Variants in BCAT1 observed in about 807,000 individuals in gnomAD.
The protein encoded by BCAT1 is branched-chain-amino-acid aminotransferase, cytosolic.
Under a neutral mutation model 52.4 loss-of-function variants are expected in BCAT1, and 48 were observed. That is an observed-to-expected ratio of 0.92 (90% CI 0.73 to 1.16). BCAT1 has a LOEUF of 1.16. Among genes scored for constraint, BCAT1 ranks in the 50% most tolerant of loss-of-function variants. The probability of loss-of-function intolerance (pLI) is 0.00; values close to 1 mark genes in which losing one functional copy is unlikely to be tolerated. For missense variants in BCAT1, 451 were observed against 457.1 expected, an observed-to-expected ratio of 0.99 and a Z score of 0.12; for synonymous variants, 167 against 161.3, an observed-to-expected ratio of 1.04 and a Z score of -0.27.
chr12:24,902,531 A>C (rs922083442), intron 1 of BCAT1: 2 of 524,798 alleles, frequency 3.8e-6, no homozygotes, highest in Non-Finnish European at 5.3e-6. Context: ...GGGAAGGAAG[A>C]GATCCAAGGA....
chr12:24,909,366 G>T (rs993302600), intron 1 of BCAT1, among the ~76,000 whole-genome samples: 4 of 152,078 alleles, frequency 2.6e-5, no homozygotes, highest in African/African-American at 7.2e-5. Flanking sequence ...CTTGACAAAA[G>T]AATTCTCATT....
intron 5 of BCAT1, among the ~76,000 whole-genome samples, chr12:24,865,977 G>C (rs1011855690): frequency 6.6e-6 from 1 of 152,230 alleles, no homozygotes; most frequent in African/African-American, 2.4e-5. Flanking sequence ...TTCTGACCGC[G>C]CTTGAGGAGC....
chr12:24,938,028 C>T (rs1943790709), intron 1 of BCAT1, among the ~76,000 whole-genome samples: 1 of 152,122 alleles, frequency 6.6e-6, no homozygotes, highest in Non-Finnish European at 1.5e-5. Flanking sequence ...AATGGGCCAT[C>T]CACATGCACC....
chr12:24,848,847 C>T (rs767929440), intron 6 of BCAT1, among the ~76,000 whole-genome samples: 1 of 152,150 alleles, frequency 6.6e-6, no homozygotes, highest in Non-Finnish European at 1.5e-5. Flanking sequence ...CTAAAGTTGC[C>T]AGTGGGGATG....
At chr12:24,837,726 CTAAGAG>C (rs1941041808) in intron 7 of BCAT1, among the ~76,000 whole-genome samples, 1 of 152,112 alleles carries the variant, frequency 6.6e-6, no homozygotes, top group Admixed American at 6.5e-5. Context: ...CGCACCCAGC[CTAAGAG>C]TCTATCTTTA....
chr12:24,901,276 G>A (rs1943095139), intron 2 of BCAT1, among the ~76,000 whole-genome samples: 1 of 152,184 alleles, frequency 6.6e-6, no homozygotes, highest in Admixed American at 6.5e-5. Context: ...AAACCTCCAC[G>A]AGGAGGGAGG....
intron 5 of BCAT1, among the ~76,000 whole-genome samples, chr12:24,868,329 T>C (rs969569949): frequency 2.0e-5 from 3 of 150,360 alleles, no homozygotes; most frequent in Non-Finnish European, 3.0e-5. Flanking sequence ...TCTAGGAAAA[T>C]GGAAAAAAAA....
At chr12:24,894,961 T>A (rs544213085) in intron 2 of BCAT1, among the ~76,000 whole-genome samples, 2 of 152,320 alleles carry the variant, frequency 1.3e-5, no homozygotes, top group Non-Finnish European at 2.9e-5. Flanking sequence ...GCCTTCAAAA[T>A]CCTCTGGGTG....
chr12:24,833,814 GTC>G (rs1407552842), intron 8 of BCAT1: 3 of 136,586 alleles, frequency 2.2e-5, no homozygotes, highest in Non-Finnish European at 4.8e-5. Flanking sequence ...TTCTACGTTT[GTC>G]TCTTTCTTTT....
At chr12:24,902,143 A>G in intron 1 of BCAT1, 1 of 1,445,624 alleles carries the variant, frequency 6.9e-7, no homozygotes, top group South Asian at 1.5e-5. Context: ...AGACTGGTTA[A>G]ATTCCAGGTC....
rs1042077468 is a variant in BCAT1 at position 24,811,178 on chromosome 12, T to A, written c.*6830A>T. 6 of 152,168 alleles carry A rather than the reference T, an allele frequency of 3.9e-5. No individual in the cohort carries two copies. Among genetic ancestry groups the A allele is most frequent in the African/African-American group, 1.4e-4 (6 of 41,448 alleles). The allele number at this position is 152,168 out of a possible 1,614,324, so 9.4% of individuals were successfully genotyped here. A position where few individuals can be genotyped will look rare whatever the true frequency, so the allele number is the denominator to read the frequency against. On this transcript the variant is annotated 3_prime_UTR_variant, in exon 11 of 11. Coordinates refer to ENST00000261192, the MANE Select transcript of BCAT1 (RefSeq NM_005504.7). ...ATGTTTGAAAAAGAAACATATTGAA[T>A]CTCTATCCAGTGGTGTGGTTTCTGG...
At chr12:24,946,222 C>T (rs1342378622) in intron 1 of BCAT1, among the ~76,000 whole-genome samples, 1 of 152,196 alleles carries the variant, frequency 6.6e-6, no homozygotes, top group Non-Finnish European at 1.5e-5. Context: ...AGGTTAATAA[C>T]ACCACTATCA....
chr12:24,912,614 C>T (rs921412396), intron 1 of BCAT1, among the ~76,000 whole-genome samples: 9 of 150,824 alleles, frequency 6.0e-5, no homozygotes, highest in Non-Finnish European at 1.3e-4. Flanking sequence ...TCTGTAATCA[C>T]AGCACTTTGG....
chr12:24,837,036 GAAA>G lies in BCAT1; in HGVS notation c.818-443_818-441del, dbSNP rs71448092. Reference sequence around the variant, plus strand: ...AAGAAAGAAAAAAGAAAGAAAGAAAGAAAAAAGAAAAGAAAAGAAAGAGAGAAG... The same window carrying G: ...AAGAAAGAAAAAAGAAAGAAAGAAAGAAAGAAAAGAAAAGAAAGAGAGAAG... On this transcript the variant is annotated intron_variant, in intron 7 of 10. Transcript: ENST00000261192. Among the ~76,000 whole-genome samples the G allele has an allele frequency of 1.3e-3, 112 of 86,624 alleles. 10 individuals are homozygous for G. The highest frequency in any genetic ancestry group is 0.013 in the Middle Eastern group (2 of 152). The allele number at this position is 86,624 out of a possible 152,430, so 56.8% of individuals were successfully genotyped here.
Position 24,810,335 on chromosome 12 carries a change from G to A in BCAT1, c.*7673C>T, listed in dbSNP as rs1254973770. ...ACAATATAAGGCACATATGTATATG[G>A]AATCAGATTCATGATTTGAAAAATA... is the stretch of plus-strand genomic sequence containing the variant. On this transcript the variant is annotated 3_prime_UTR_variant, in exon 11 of 11. Coordinates refer to ENST00000261192, the MANE Select transcript of BCAT1 (RefSeq NM_005504.7). The A allele has an allele frequency of 6.6e-6, 1 of 152,154 alleles. No individual in the cohort carries two copies. The highest frequency in any genetic ancestry group is 6.5e-5 in the Admixed American group (1 of 15,268). The allele number at this position is 152,154 out of a possible 1,614,324, so 9.4% of individuals were successfully genotyped here. A position where few individuals can be genotyped will look rare whatever the true frequency, so the allele number is the denominator to read the frequency against.
At chr12:24,882,372 C>G (rs182030327) in intron 3 of BCAT1, among the ~76,000 whole-genome samples, 193 of 151,984 alleles carry the variant, frequency 1.3e-3, no homozygotes, top group Non-Finnish European at 2.0e-3. Flanking sequence ...AAGATGTATA[C>G]CCTAAAAACT....
intron 2 of BCAT1, among the ~76,000 whole-genome samples, chr12:24,900,253 A>T (rs1018245813): frequency 1.3e-5 from 2 of 152,218 alleles, no homozygotes; most frequent in African/African-American, 2.4e-5. Flanking sequence ...ATTCCCCTAA[A>T]TAAAACCTAA....
At chr12:24,932,005 A>G (rs1356514035) in intron 1 of BCAT1, among the ~76,000 whole-genome samples, 1 of 152,234 alleles carries the variant, frequency 6.6e-6, no homozygotes, top group Non-Finnish European at 1.5e-5. Flanking sequence ...TGTCAGATAC[A>G]TTTAACCTAA....
intron 1 of BCAT1, among the ~76,000 whole-genome samples, chr12:24,938,927 T>C (rs543480821): frequency 2.0e-5 from 3 of 152,218 alleles, no homozygotes; most frequent in Non-Finnish European, 4.4e-5. Context: ...CAGGCTGGAG[T>C]ACAGTGGTGC....
Sources: allele counts gnomAD v4.1 joint callset (sites outside exome capture counted in the v4.1 genomes callset), GRCh38; gene constraint gnomAD v4.1.1; transcripts MANE v1.5; gene names NCBI Gene and HGNC (gene_info 2026-07-23, HGNC 2026-07-21).